PLXDC2: variants seen among roughly 807,000 people sequenced by gnomAD.
PLXDC2 encodes the protein plexin domain containing 2.
A neutral mutation model predicts 68.9 loss-of-function variants in PLXDC2; 40 were observed. That is an observed-to-expected ratio of 0.58 (90% CI 0.45 to 0.76). The LOEUF (loss-of-function observed/expected upper bound fraction) is 0.76. PLXDC2 is among the 30% of genes least tolerant of loss of function. The pLI, the probability that PLXDC2 is intolerant of heterozygous loss-of-function variation, is 0.00. For missense variants in PLXDC2, 644 were observed against 661.9 expected (o/e 0.97, Z 0.30); for synonymous variants, 243 against 234.2 (o/e 1.04, Z -0.34).
rs557517405 is a variant in PLXDC2 at position 20,227,169 on chromosome 10, T to C, written c.1312+8067T>C. Among the ~76,000 whole-genome samples the C allele has an allele frequency of 2.6e-5, 4 of 152,326 alleles. No homozygotes were observed. The East Asian group carries it at 7.7e-4, about 29-fold the overall frequency. On this transcript the variant is annotated intron_variant, in intron 12 of 13. Coordinates refer to ENST00000377252, the MANE Select transcript of PLXDC2 (RefSeq NM_032812.9). ...GCTCGGGAAACATTTCTTCAACTATTGTGTACCAGGCCCATTGTTAGGTGA... is the reference window on the plus strand; with the variant it reads ...GCTCGGGAAACATTTCTTCAACTATCGTGTACCAGGCCCATTGTTAGGTGA...
At chr10:20,104,092 T>C (rs1469838990) in intron 4 of PLXDC2, among the ~76,000 whole-genome samples, 2 of 152,178 alleles carry the variant, frequency 1.3e-5, no homozygotes, top group African/African-American at 2.4e-5. Flanking sequence ...AGAAGTAAAG[T>C]CATTAGCTGA....
intron 4 of PLXDC2, among the ~76,000 whole-genome samples, chr10:20,138,421 A>G (rs762128049): frequency 6.6e-6 from 1 of 152,192 alleles, no homozygotes; most frequent in Non-Finnish European, 1.5e-5. Context: ...CTTCTAATGT[A>G]TCTTTTGTAA....
At chr10:19,838,088 T>A (rs1000492941) in intron 1 of PLXDC2, among the ~76,000 whole-genome samples, 3 of 152,102 alleles carry the variant, frequency 2.0e-5, no homozygotes, top group African/African-American at 7.2e-5. Flanking sequence ...AGGCTCCAAC[T>A]CCTGGGGCTC....
At chr10:19,893,131 G>T (rs879341672) in intron 1 of PLXDC2, among the ~76,000 whole-genome samples, 57 of 152,106 alleles carry the variant, frequency 3.7e-4, no homozygotes, top group African/African-American at 1.2e-3. Flanking sequence ...TGCACGCTAT[G>T]GTTGGGGGAC....
intron 12 of PLXDC2, among the ~76,000 whole-genome samples, chr10:20,231,002 T>C (rs923549246): frequency 1.3e-5 from 2 of 151,608 alleles, no homozygotes; most frequent in African/African-American, 2.4e-5. Flanking sequence ...TGTCTATTGA[T>C]AAGAAAGTAG....
At chr10:20,057,231 CTG>C (rs746785689) in intron 3 of PLXDC2, among the ~76,000 whole-genome samples, 5 of 151,936 alleles carry the variant, frequency 3.3e-5, no homozygotes, top group Non-Finnish European at 7.4e-5. Flanking sequence ...ACTTAGCAAA[CTG>C]TAAATGGAAT....
In PLXDC2 at chr10:20,131,416, T is replaced by G. The variant is rs138228363; in HGVS notation, c.542-11879T>G. On this transcript the variant is annotated intron_variant, in intron 4 of 13. Coordinates refer to ENST00000377252, the MANE Select transcript of PLXDC2 (RefSeq NM_032812.9). ...TTCACTTATAATTTTTTTTCTTTTT[T>G]GAGACAGAGTTTCACTCTTGTTGCC... is the stretch of plus-strand genomic sequence containing the variant. Among the ~76,000 whole-genome samples, 162 of 152,288 alleles carry G rather than the reference T, an allele frequency of 1.1e-3. 4 individuals are homozygous for G. In the East Asian group the frequency reaches 0.029, roughly 27 times the overall value.
At chr10:20,044,208 TC>T (rs1835741883) in intron 2 of PLXDC2, among the ~76,000 whole-genome samples, 14 of 94,908 alleles carry the variant, frequency 1.5e-4, no homozygotes, top group East Asian at 3.5e-4. Flanking sequence ...TCTCTCTCTC[TC>T]TGTCTTTCTT....
Position 20,279,953 on chromosome 10 carries a change from T to C in PLXDC2, c.*134T>C, listed in dbSNP as rs1836060279. 1 of 686,336 alleles carries C rather than the reference T, an allele frequency of 1.5e-6. No homozygotes were observed. Among genetic ancestry groups the C allele is most frequent in the East Asian group, 2.6e-5 (1 of 39,002 alleles). The allele number at this position is 686,336 out of a possible 1,614,324, so 42.5% of individuals were successfully genotyped here. The stretch of plus-strand genomic sequence containing the variant: ...CTGCTGTAGCCTGAAGAAGACAAGA[T>C]TTCTGGACAAGCTCAGCCCAGGAAA... On this transcript the variant is annotated 3_prime_UTR_variant, in exon 14 of 14. Coordinates refer to ENST00000377252, the MANE Select transcript of PLXDC2 (RefSeq NM_032812.9).
At chr10:19,942,061 A>G (rs1158035660) in intron 1 of PLXDC2, among the ~76,000 whole-genome samples, 1 of 152,066 alleles carries the variant, frequency 6.6e-6, no homozygotes, top group African/African-American at 2.4e-5. Context: ...AAGCCCAAGT[A>G]TTATTTATCT....
At chr10:20,051,068 A>T (rs546926490) in intron 3 of PLXDC2, among the ~76,000 whole-genome samples, 15 of 152,196 alleles carry the variant, frequency 9.9e-5, no homozygotes, top group African/African-American at 3.6e-4. Flanking sequence ...AAAAAGAACA[A>T]GATCATGTCT....
intron 2 of PLXDC2, among the ~76,000 whole-genome samples, chr10:20,039,913 C>T (rs4748634): frequency 0.23 from 34,365 of 152,002 alleles, 4,827 homozygotes; most frequent in African/African-American, 0.39. Flanking sequence ...TGAATAGATG[C>T]AACTTTCTAA....
intron 6 of PLXDC2, among the ~76,000 whole-genome samples, chr10:20,156,094 C>T (rs11011832): frequency 0.015 from 2,345 of 152,084 alleles, 20 homozygotes; most frequent in Non-Finnish European, 0.024. Flanking sequence ...CCTTAATCTC[C>T]TTTCTTTTCC....
intron 12 of PLXDC2, among the ~76,000 whole-genome samples, chr10:20,237,896 TA>T (rs1835455294): frequency 6.6e-6 from 1 of 152,206 alleles, no homozygotes; most frequent in Admixed American, 6.5e-5. Flanking sequence ...CTAAAGTGAA[TA>T]AAATTTCAGA....
intron 1 of PLXDC2, among the ~76,000 whole-genome samples, chr10:19,999,150 C>T (rs1255819046): frequency 6.6e-6 from 1 of 152,176 alleles, no homozygotes; most frequent in African/African-American, 2.4e-5. Context: ...CAGTATTAGG[C>T]ATTCCGTTTA....
At chr10:19,967,640 A>AG (rs1297006426) in intron 1 of PLXDC2, among the ~76,000 whole-genome samples, 1 of 152,202 alleles carries the variant, frequency 6.6e-6, no homozygotes, top group East Asian at 1.9e-4. Flanking sequence ...AATCAGCTGA[A>AG]GATTCCAGGT....
intron 2 of PLXDC2, among the ~76,000 whole-genome samples, chr10:20,041,888 A>G (rs1835689336): frequency 2.6e-5 from 4 of 152,150 alleles, no homozygotes; most frequent in East Asian, 1.9e-4. Context: ...TGAATCTCAT[A>G]TCTCTTCTTA....
chr10:19,998,644 T>C (rs547279345), intron 1 of PLXDC2, among the ~76,000 whole-genome samples: 69 of 152,326 alleles, frequency 4.5e-4, no homozygotes, highest in South Asian at 1.0e-3. Flanking sequence ...TCCTGTTTAC[T>C]CTTTGCAAAC....
At chr10:19,942,787 A>G (rs1345791436) in intron 1 of PLXDC2, among the ~76,000 whole-genome samples, 5 of 152,088 alleles carry the variant, frequency 3.3e-5, no homozygotes, top group Admixed American at 2.6e-4. Context: ...AGAAAACAAA[A>G]CCAAAAAACC....
Sources: gnomAD v4.1 joint callset for allele counts (sites outside exome capture counted in the v4.1 genomes callset) on GRCh38, gnomAD v4.1.1 for gene constraint, MANE v1.5 for transcripts, NCBI Gene and HGNC (gene_info 2026-07-23, HGNC 2026-07-21) for gene names.